Variants in NAALADL2 observed in about 807,000 individuals in gnomAD.
The protein encoded by NAALADL2 is inactive N-acetylated-alpha-linked acidic dipeptidase-like protein 2.
A neutral mutation model predicts 87.2 loss-of-function variants in NAALADL2; 76 were observed. That is an observed-to-expected ratio of 0.87 (90% CI 0.72 to 1.05). The LOEUF is 1.05. NAALADL2 is among the 50% of genes least tolerant of loss of function. The probability of loss-of-function intolerance (pLI) is 0.00; values close to 1 mark genes in which losing one functional copy is unlikely to be tolerated. For missense variants in NAALADL2, 1,089 were observed against 945.8 expected (o/e 1.15, Z -1.99); for synonymous variants, 354 against 331.0 (o/e 1.07, Z -0.75).
chr3:175,070,571 C>G (rs562135173), intron 1 of NAALADL2, among the ~76,000 whole-genome samples: 1 of 152,158 alleles, frequency 6.6e-6, no homozygotes, highest in African/African-American at 2.4e-5. Flanking sequence ...GTAGCACATT[C>G]TGTTTGCCTA....
intron 13 of NAALADL2, among the ~76,000 whole-genome samples, chr3:175,799,401 TTTC>T (rs1301819729): frequency 1.3e-5 from 2 of 152,154 alleles, no homozygotes; most frequent in Non-Finnish European, 2.9e-5. Flanking sequence ...TAAATGACTT[TTTC>T]ATCATTTGTA....
At chr3:175,043,484 G>A (rs1360438858) in intron 1 of NAALADL2, among the ~76,000 whole-genome samples, 7 of 152,070 alleles carry the variant, frequency 4.6e-5, no homozygotes, top group East Asian at 1.9e-4. Flanking sequence ...TGATCTGCCC[G>A]CCTCAGTCTC....
intron 4 of NAALADL2, among the ~76,000 whole-genome samples, chr3:175,322,161 C>T (rs1306059297): frequency 1.3e-5 from 2 of 150,926 alleles, no homozygotes; most frequent in African/African-American, 4.9e-5. Flanking sequence ...TGGAACAGAA[C>T]AGAGCCCTCA....
chr3:175,177,734 G>A (rs1441672659), intron 2 of NAALADL2, among the ~76,000 whole-genome samples: 1 of 152,014 alleles, frequency 6.6e-6, no homozygotes, highest in Non-Finnish European at 1.5e-5. Flanking sequence ...ATATTTTCAT[G>A]TATGCACGTA....
intron 11 of NAALADL2, among the ~76,000 whole-genome samples, chr3:175,728,248 G>A (rs1157564109): frequency 6.6e-6 from 1 of 152,174 alleles, no homozygotes; most frequent in Non-Finnish European, 1.5e-5. Flanking sequence ...TGTGGAGAAT[G>A]TGTTGGAGGC....
chr3:175,433,806 A>T (rs916472002), intron 5 of NAALADL2, among the ~76,000 whole-genome samples: 2 of 151,974 alleles, frequency 1.3e-5, no homozygotes, highest in Non-Finnish European at 2.9e-5. Flanking sequence ...TAGAACTTTT[A>T]TGTAAGAAAA....
intron 1 of NAALADL2, among the ~76,000 whole-genome samples, chr3:174,960,472 G>T (rs1009762179): frequency 6.6e-6 from 1 of 151,892 alleles, no homozygotes; most frequent in African/African-American, 2.4e-5. Context: ...ATTCATCTTG[G>T]ACTTACTATG....
intron 1 of NAALADL2, chr3:175,079,539 A>T (rs1717322863): frequency 6.6e-6 from 1 of 152,206 alleles, no homozygotes; most frequent in African/African-American, 2.4e-5. Context: ...ATATTTTGAA[A>T]AATTTTTCTA....
At chr3:174,580,313 T>G (rs1297891586) in intron 2 of NAALADL2, among the ~76,000 whole-genome samples, 1 of 152,098 alleles carries the variant, frequency 6.6e-6, no homozygotes, top group Admixed American at 6.6e-5. Flanking sequence ...CTCTCATAAT[T>G]ATGTCAAAAA....
intron 5 of NAALADL2, 53 bp downstream of exon 5, chr3:175,324,378 C>T (rs1760420702): frequency 3.6e-6 from 5 of 1,395,524 alleles, no homozygotes; most frequent in Non-Finnish European, 4.9e-6. Context: ...TACAAGGTTG[C>T]AATTTATAAA....
intron 2 of NAALADL2, among the ~76,000 whole-genome samples, chr3:175,160,014 C>CTTTTTTTTTTTTTTTTTTTTTTTTGTTT (rs1732904695): frequency 2.3e-5 from 1 of 43,670 alleles, no homozygotes. Context: ...TTTTTTTTTA[C>CTTTTTTTTTTTTTTTTTTTTTTTTGTTT]TTTTAGTAGA....
intron 1 of NAALADL2, among the ~76,000 whole-genome samples, chr3:174,480,003 A>G (rs959793587): frequency 6.6e-6 from 1 of 152,116 alleles, no homozygotes; most frequent in Non-Finnish European, 1.5e-5. Flanking sequence ...TTGAAAAGAA[A>G]TTCACTCACT....
chr3:175,715,158 T>G (rs906223289), intron 11 of NAALADL2, among the ~76,000 whole-genome samples: 1 of 152,124 alleles, frequency 6.6e-6, no homozygotes, highest in Non-Finnish European at 1.5e-5. Flanking sequence ...TGGAGTAAAA[T>G]AACAGAAGCC....
chr3:174,877,803 G>A (rs1728691664), intron 1 of NAALADL2, among the ~76,000 whole-genome samples: 3 of 151,998 alleles, frequency 2.0e-5, no homozygotes, highest in Non-Finnish European at 4.4e-5. Flanking sequence ...AGTACGGAAG[G>A]GTTTTTGCAT....
intron 11 of NAALADL2, chr3:175,675,350 G>A (rs1367238816): frequency 6.6e-6 from 1 of 152,200 alleles, no homozygotes; most frequent in Non-Finnish European, 1.5e-5. Context: ...GAGACTTACA[G>A]TAACCTCTTT....
At chr3:175,372,719 G>C (rs1766662946) in intron 5 of NAALADL2, among the ~76,000 whole-genome samples, 3 of 152,314 alleles carry the variant, frequency 2.0e-5, no homozygotes, top group Non-Finnish European at 2.9e-5. Flanking sequence ...CAATAGAATT[G>C]TAATTCTATT....
At chr3:175,426,149 A>C (rs967144046) in intron 5 of NAALADL2, among the ~76,000 whole-genome samples, 1 of 152,312 alleles carries the variant, frequency 6.6e-6, no homozygotes, top group East Asian at 1.9e-4. Flanking sequence ...GGATCACTTA[A>C]GGTCAAGAGT....
At chr3:175,503,927 A>C (rs1230509659) in intron 9 of NAALADL2, among the ~76,000 whole-genome samples, 2 of 152,090 alleles carry the variant, frequency 1.3e-5, no homozygotes, top group Non-Finnish European at 2.9e-5. Context: ...GAAGCTCTTC[A>C]GTTTAATTAG....
chr3:175,668,984 T>C (rs886433451), intron 11 of NAALADL2, among the ~76,000 whole-genome samples: 2 of 152,154 alleles, frequency 1.3e-5, no homozygotes, highest in African/African-American at 2.4e-5. Context: ...GGGTGTTATC[T>C]CCATTTAACC....
Sources: gnomAD v4.1 joint callset for allele counts (sites outside exome capture counted in the v4.1 genomes callset) on GRCh38, gnomAD v4.1.1 for gene constraint, MANE v1.5 for transcripts, NCBI Gene and HGNC (gene_info 2026-07-23, HGNC 2026-07-21) for gene names.